Variants in POLE observed in about 807,000 individuals in gnomAD.
The protein encoded by POLE is DNA polymerase epsilon, catalytic subunit.
In POLE, 188 loss-of-function variants were observed where a neutral mutation model predicts 279.2. That is an observed-to-expected ratio of 0.67 (90% confidence interval 0.60 to 0.76). POLE has a LOEUF of 0.76. Among genes scored for constraint, POLE ranks in the 30% least tolerant of loss-of-function variants. The pLI is 0.00. For synonymous variants in POLE, 1,214 were observed against 1,172.5 expected (o/e 1.04, Z -0.72); for missense variants, 2,703 against 3,016.7 (o/e 0.90, Z 2.44).
Position 132,632,343 on chromosome 12 carries a change from G to A in POLE, c.6302C>T (p.Ala2101Val), listed in dbSNP as rs2138459559. ...PGSHLLLNNP[A>V]LEFIKYVCKV... is the part of the protein sequence containing the mutation. ...GCACACGTATTTGATGAACTCCAGG[G>A]CAGGGTTATTGAGCAGCAAGTGGGA... Residue 2101 changes from alanine to valine, a missense_variant, in exon 45 of 49, where the codon GCC becomes GTC. Ala to Val is a moderately conservative substitution (Grantham distance 64). Coordinates refer to ENST00000320574, the MANE Select transcript of POLE (RefSeq NM_006231.4). The A allele has an allele frequency of 6.2e-7, 1 of 1,614,150 alleles. No individual in the cohort carries two copies. The highest frequency in any genetic ancestry group is 8.5e-7 in the Non-Finnish European group (1 of 1,179,970).
In POLE at chr12:132,672,319, G is replaced by A. The variant is rs1465675256; in HGVS notation, c.1690C>T (p.Pro564Ser). ...SDIPCRFRMN[P>S]AAFDFLLQRV... ...TGCAGCAGGAAGTCAAAGGCGGCAG[G>A]ATTCTAGCACAACAGTGAGACGACG... The change falls in exon 16 of 49, where the codon CCT becomes TCT. Residue 564 changes from proline to serine, a missense_variant. Coordinates refer to ENST00000320574, the MANE Select transcript of POLE (RefSeq NM_006231.4). 6.2e-7 allele frequency: 1 copy of A among 1,613,584 alleles called. No homozygotes were observed. The highest frequency in any genetic ancestry group is 8.5e-7 in the Non-Finnish European group (1 of 1,179,514).
At position 132,648,710 on chromosome 12, in the gene POLE, G is replaced by A. The variant is rs572429900; in HGVS notation, c.4149+219C>T. ...TGTCCCCGCAACATGGACCTCGCGG[G>A]CAGACAAGCTCATCGTGACAAGGAC... On this transcript the variant is annotated intron_variant, in intron 32 of 48. Transcript: ENST00000320574. 15 of 488,436 alleles carry A rather than the reference G, an allele frequency of 3.1e-5. No homozygotes were observed. In the East Asian group the frequency reaches 3.3e-4, roughly 11 times the overall value. 30.3% of individuals were successfully genotyped at this position (488,436 alleles called of 1,614,324 possible).
rs771020584 is a variant in POLE at position 132,641,732 on chromosome 12, A to G, written c.5293T>C (p.Ser1765Pro). Reference protein sequence around the residue: ...GISFDVIQQASLEDMITGGQA... With the variant: ...GISFDVIQQAPLEDMITGGQA... ...CCACCCGTGATCATGTCCTCCAGGG[A>G]GGCCTGCTGGATCACGTCGAAGCTG... Residue 1765 changes from serine to proline, a missense_variant, in exon 39 of 49, where the codon TCC (serine) becomes CCC (proline). Ser to Pro is a moderately conservative substitution (Grantham distance 74). Transcript: ENST00000320574. 3.7e-6 allele frequency: 6 copies of G among 1,613,128 alleles called. No individual in the cohort carries two copies. Among genetic ancestry groups the G allele is most frequent in the Non-Finnish European group, 5.1e-6 (6 of 1,179,998 alleles).
chr12:132,686,280 C>G (rs1041250955), intron 1 of POLE, among the ~76,000 whole-genome samples: 1 of 151,034 alleles, frequency 6.6e-6, no homozygotes, highest in Non-Finnish European at 1.5e-5. Flanking sequence ...TTTTTTGAGA[C>G]TGGGTCTGGC....
intron 32 of POLE, among the ~76,000 whole-genome samples, chr12:132,648,336 T>TG (rs541432389): frequency 4.8e-3 from 518 of 108,436 alleles, no homozygotes; most frequent in Non-Finnish European, 6.9e-3. Context: ...AATATCCGAA[T>TG]GGGGGGGTGA....
rs765816578 is a variant in POLE, at chr12:132,668,801, A to G, written c.1923+10T>C. On this transcript the variant is annotated intron_variant, in intron 17 of 48. Transcript: ENST00000320574. The surrounding 1 kb of genome is among the most constrained non-coding windows in gnomAD (Gnocchi z 4.0). ...GAGCTCCGACTCTGACACGGGAAGT[A>G]AAGTCTCACCTGCAGGCGGTTGGTC... 4 of 1,614,048 alleles carry G rather than the reference A, an allele frequency of 2.5e-6. No homozygotes were observed. Among genetic ancestry groups the G allele is most frequent in the Non-Finnish European group, 3.4e-6 (4 of 1,179,894 alleles).
rs1377042963 is a variant in POLE, at chr12:132,675,974, C to A, written c.1020+120G>T. The A allele has an allele frequency of 3.2e-6, 3 of 925,184 alleles. No homozygotes were observed. In the African/African-American group the frequency reaches 4.9e-5, roughly 15 times the overall value. 57.3% of individuals were successfully genotyped at this position (925,184 alleles called of 1,614,324 possible). ...CTCTGGCAGAAAAGACGGTCATACCCTGAGAACAAAGCTCATGGAGCTGCA... is the reference window on the plus strand; with the variant it reads ...CTCTGGCAGAAAAGACGGTCATACCATGAGAACAAAGCTCATGGAGCTGCA... On this transcript the variant is annotated intron_variant, in intron 10 of 48. Transcript: ENST00000320574. This position sits in a 1 kb window ranked among gnomAD's most constrained non-coding sequence, Gnocchi z 4.3.
rs550348348 is a variant in POLE, at chr12:132,627,090, G to A, written c.6331-773C>T. 7.9e-4 allele frequency among the ~76,000 whole-genome samples: 121 copies of A among 152,280 alleles called. 1 individual carries two copies. Among genetic ancestry groups the A allele is most frequent in the African/African-American group, 2.6e-3 (110 of 41,560 alleles). On this transcript the variant is annotated intron_variant, in intron 45 of 48. Transcript: ENST00000320574. ...GAGGTCAGGAGTTCAAGACCATCCT[G>A]GCCAACACAGTGAAACCCCATTTCT...
At position 132,643,517 on chromosome 12, in the gene POLE, C is replaced by G. The variant is rs1441772920; in HGVS notation, c.4334G>C (p.Cys1445Ser). Reference protein sequence around the residue: ...FRALVHLGCVCVVNKQLVRHL... With the variant: ...FRALVHLGCVSVVNKQLVRHL... Reference sequence around the variant, plus strand: ...CCTCACCAGCTGTTTATTGACCACACACACACAGCCCAGGTGCACCAGGGC... The same window carrying G: ...CCTCACCAGCTGTTTATTGACCACAGACACACAGCCCAGGTGCACCAGGGC... The change falls in exon 34 of 49, where the codon TGT (cysteine) becomes TCT (serine). Residue 1445 changes from cysteine to serine, a missense_variant. Around this residue, in one of 5 missense-constraint regions of POLE, gnomAD observed 1,551 missense variants for 1,686.1 expected, o/e 0.92. Transcript: ENST00000320574. 1.2e-6 allele frequency: 2 copies of G among 1,614,222 alleles called. No individual in the cohort carries two copies. Among genetic ancestry groups the G allele is most frequent in the Non-Finnish European group, 1.7e-6 (2 of 1,180,048 alleles).
intron 16 of POLE, among the ~76,000 whole-genome samples, chr12:132,671,779 C>G (rs1216156115): frequency 6.6e-6 from 1 of 150,908 alleles, no homozygotes; most frequent in East Asian, 1.9e-4. Flanking sequence ...ACATAACACA[C>G]TTTGTAAGTG....
chr12:132,679,066 A>AT (rs2043113545), intron 6 of POLE, among the ~76,000 whole-genome samples: 1 of 152,170 alleles, frequency 6.6e-6, no homozygotes, highest in Admixed American at 6.5e-5. Context: ...GCATCCTATT[A>AT]TTGTTGATGC....
chr12:132,630,063 T>G (rs936756717), intron 45 of POLE, among the ~76,000 whole-genome samples: 1 of 152,204 alleles, frequency 6.6e-6, no homozygotes, highest in Non-Finnish European at 1.5e-5. Flanking sequence ...CACACAACAT[T>G]GATGAAGCTC....
intron 42 of POLE, among the ~76,000 whole-genome samples, chr12:132,635,505 C>G (rs1482531273): frequency 1.3e-5 from 2 of 152,264 alleles, no homozygotes; most frequent in Non-Finnish European, 2.9e-5. Context: ...GCCCAAGTTG[C>G]CTGGCTCTGT....
chr12:132,649,265 T>A (rs1289496447), intron 31 of POLE, 41 bp downstream of exon 31: 1 of 1,593,226 alleles, frequency 6.3e-7, no homozygotes. Flanking sequence ...CCCTGGGCCA[T>A]CAGCAGAGCC....
At chr12:132,658,893 A>AAG (rs1180757429) in intron 26 of POLE, among the ~76,000 whole-genome samples, 10 of 150,458 alleles carry the variant, frequency 6.6e-5, no homozygotes, top group African/African-American at 2.2e-4. Context: ...AAAAAAAAAA[A>AAG]AAAAAAAAAA....
At position 132,677,711 on chromosome 12, in the gene POLE, T is replaced by C. The variant is rs770126315; in HGVS notation, c.587A>G (p.Gln196Arg). ...TTCATCAGTAATGACACCGCCCCTC[T>C]GCAGAACACTAGGAATTAACAAGAG... Reference protein sequence around the residue: ...AYTALLSSVLQRGGVITDEEE... With the variant: ...AYTALLSSVLRRGGVITDEEE... The change falls in exon 7 of 49, where the codon CAG (glutamine) becomes CGG (arginine). Residue 196 changes from glutamine to arginine, a missense_variant. Physicochemically the swap from Gln to Arg is conservative, Grantham distance 43. Around this residue, in one of 5 missense-constraint regions of POLE, gnomAD observed 1,011 missense variants for 1,111.7 expected, o/e 0.91. Transcript: ENST00000320574. 2.5e-6 allele frequency: 4 copies of C among 1,613,968 alleles called. No homozygotes were observed. The highest frequency in any genetic ancestry group is 3.4e-6 in the Non-Finnish European group (4 of 1,179,928).
At chr12:132,681,881 G>C (rs974933900) in intron 1 of POLE, among the ~76,000 whole-genome samples, 5 of 152,176 alleles carry the variant, frequency 3.3e-5, no homozygotes, top group African/African-American at 9.7e-5. Flanking sequence ...GACATGATTT[G>C]AATAAAACAG....
intron 45 of POLE, among the ~76,000 whole-genome samples, chr12:132,629,027 T>C (rs2041888090): frequency 6.6e-6 from 1 of 152,258 alleles, no homozygotes; most frequent in Admixed American, 6.5e-5. Context: ...TCACTATCTA[T>C]GGCAGCTATA....
rs763456552 is a variant in POLE, at chr12:132,664,141, A to G, written c.2569T>C (p.Leu857=). The G allele has an allele frequency of 6.2e-7, 1 of 1,614,078 alleles. No homozygotes were observed. Among genetic ancestry groups the G allele is most frequent in the Non-Finnish European group, 8.5e-7 (1 of 1,180,006 alleles). The change falls in exon 23 of 49, where the codon TTA becomes CTA. Residue 857 remains leucine, a synonymous_variant. Transcript: ENST00000320574. The surrounding 1 kb of genome is among the most constrained non-coding windows in gnomAD (Gnocchi z 5.3). ...CATATACCATCTGTGTCCAGCTCTAAGGGCCTCCTTCAGAGAAAGAGAGGA... is the reference window on the plus strand; with the variant it reads ...CATATACCATCTGTGTCCAGCTCTAGGGGCCTCCTTCAGAGAAAGAGAGGA... The part of the protein sequence containing the change: ...RELIEQIGRP[L]ELDTDGIWCV...
Sources: gnomAD v4.1 joint callset for allele counts (sites outside exome capture counted in the v4.1 genomes callset) on GRCh38, gnomAD v4.1.1 for gene constraint, gnomAD v4.1.1 regional missense constraint, Gnocchi (gnomAD v3.1) non-coding constraint, MANE v1.5 for transcripts, NCBI Gene and HGNC (gene_info 2026-07-23, HGNC 2026-07-21) for gene names.